The following CDH13 variants were observed in gnomAD, a reference collection of about 807,000 sequenced individuals.
CDH13 encodes the protein cadherin 13, also known as cadherin-13.
A neutral mutation model predicts 63.8 loss-of-function variants in CDH13; 24 were observed. That is an observed-to-expected ratio of 0.38 (90% CI 0.27 to 0.53). CDH13 has a LOEUF of 0.53. Ranked by LOEUF, CDH13 falls within the 20% of genes least tolerant of loss-of-function variation. The pLI is 0.85. For synonymous variants in CDH13, 503 were observed against 355.3 expected, an observed-to-expected ratio of 1.42 and a Z score of -4.67; for missense variants, 1,049 against 903.1, an observed-to-expected ratio of 1.16 and a Z score of -2.07.
chr16:83,010,777 TC>T (rs1914072292), intron 2 of CDH13, among the ~76,000 whole-genome samples: 1 of 152,312 alleles, frequency 6.6e-6, no homozygotes, highest in Middle Eastern at 3.4e-3. Flanking sequence ...ATTAGAAACA[TC>T]CTGCGGGGAC....
intron 2 of CDH13, among the ~76,000 whole-genome samples, chr16:82,878,687 TG>T (rs1327029036): frequency 1.3e-5 from 2 of 150,864 alleles, no homozygotes; most frequent in African/African-American, 4.9e-5. Context: ...TGGCGGGGGT[TG>T]GGGAGACACA....
chr16:83,079,771 T>C (rs1184234324), intron 3 of CDH13, among the ~76,000 whole-genome samples: 1 of 152,254 alleles, frequency 6.6e-6, no homozygotes, highest in East Asian at 1.9e-4. Context: ...AAGTTGTTTT[T>C]GAGAACATGA....
chr16:83,486,012 A>G (rs1029587717), intron 6 of CDH13, among the ~76,000 whole-genome samples: 2 of 152,142 alleles, frequency 1.3e-5, no homozygotes, highest in Non-Finnish European at 2.9e-5. Context: ...GCGTGATGAC[A>G]CACAACTGTA....
At chr16:83,433,105 G>C (rs2072176567) in intron 6 of CDH13, among the ~76,000 whole-genome samples, 1 of 152,272 alleles carries the variant, frequency 6.6e-6, no homozygotes, top group Non-Finnish European at 1.5e-5. Context: ...GCCATCAGCA[G>C]GTGTTTACTG....
chr16:83,564,502 GGGTTCAA>G (rs1298690435), intron 7 of CDH13, among the ~76,000 whole-genome samples: 2 of 150,748 alleles, frequency 1.3e-5, no homozygotes, highest in Non-Finnish European at 2.9e-5. Context: ...TCTGCCTCCC[GGGTTCAA>G]GTGATTCTCC....
chr16:83,318,127 A>T (rs1441409381), intron 5 of CDH13, among the ~76,000 whole-genome samples: 1 of 152,218 alleles, frequency 6.6e-6, no homozygotes, highest in Non-Finnish European at 1.5e-5. Flanking sequence ...CAGTATTTGT[A>T]ACACAGTGTC....
At chr16:83,112,248 TAGCAAACC>T (rs2035091429) in intron 3 of CDH13, among the ~76,000 whole-genome samples, 1 of 152,234 alleles carries the variant, frequency 6.6e-6, no homozygotes, top group Non-Finnish European at 1.5e-5. Flanking sequence ...CTAATTACTC[TAGCAAACC>T]AGCAGTTAAC....
chr16:83,429,464 A>C (rs1175853515), intron 6 of CDH13, among the ~76,000 whole-genome samples: 1 of 152,024 alleles, frequency 6.6e-6, no homozygotes, highest in East Asian at 1.9e-4. Flanking sequence ...ACTTCCTGTG[A>C]TTATATTTGT....
chr16:83,216,008 A>G (rs1480152054), intron 4 of CDH13, among the ~76,000 whole-genome samples: 2 of 146,024 alleles, frequency 1.4e-5, no homozygotes, highest in Admixed American at 6.8e-5. Context: ...TTTGACCCCA[A>G]CTGCTTCTCA....
In CDH13 at chr16:83,559,328, T is replaced by C. The variant is rs1295444194; in HGVS notation, c.961-43126T>C. Among the ~76,000 whole-genome samples, 3 of 152,112 alleles carry C rather than the reference T, an allele frequency of 2.0e-5. No homozygotes were observed. The East Asian group carries it at 5.8e-4, about 29-fold the overall frequency. On this transcript the variant is annotated intron_variant, in intron 7 of 13. Transcript: ENST00000567109. ...GGTTCACACCTGTAATCCCAACACT[T>C]TGGGAGGCCGAGGCAGGTGGATCAC...
chr16:82,687,659 C>T (rs1236069817), intron 1 of CDH13, among the ~76,000 whole-genome samples: 1 of 152,100 alleles, frequency 6.6e-6, no homozygotes, highest in Non-Finnish European at 1.5e-5. Context: ...CCACCCACTT[C>T]CTCCCATGAC....
chr16:83,495,219 G>T (rs903627430), intron 7 of CDH13, among the ~76,000 whole-genome samples: 4 of 152,180 alleles, frequency 2.6e-5, no homozygotes, highest in African/African-American at 4.8e-5. Flanking sequence ...ATTTTAGGGG[G>T]ACATAAGCCA....
At chr16:82,786,132 T>G (rs1214078244) in intron 1 of CDH13, among the ~76,000 whole-genome samples, 1 of 152,166 alleles carries the variant, frequency 6.6e-6, no homozygotes, top group African/African-American at 2.4e-5. Flanking sequence ...GAGCAGGTGA[T>G]CAGAATGAGT....
intron 1 of CDH13, among the ~76,000 whole-genome samples, chr16:82,628,585 T>C (rs182996862): frequency 3.3e-5 from 5 of 152,280 alleles, no homozygotes; most frequent in Admixed American, 3.3e-4. Flanking sequence ...CTGACTTCTT[T>C]CTTGGATATA....
chr16:82,711,853 G>C (rs1303476262), intron 1 of CDH13, among the ~76,000 whole-genome samples: 1 of 152,142 alleles, frequency 6.6e-6, no homozygotes, highest in African/African-American at 2.4e-5. Context: ...TCTTCACAAC[G>C]GTGCTCTGAG....
chr16:82,983,494 A>G (rs1910549862), intron 2 of CDH13, among the ~76,000 whole-genome samples: 1 of 152,226 alleles, frequency 6.6e-6, no homozygotes, highest in African/African-American at 2.4e-5. Flanking sequence ...CCTGGATTCC[A>G]GGAAGACAGA....
chr16:82,669,648 A>G (rs1404373411), intron 1 of CDH13, among the ~76,000 whole-genome samples: 1 of 152,260 alleles, frequency 6.6e-6, no homozygotes, highest in Non-Finnish European at 1.5e-5. Flanking sequence ...AGCCATCCCA[A>G]TTAAGATGCT....
chr16:83,406,703 T>A (rs1002630113), intron 6 of CDH13, among the ~76,000 whole-genome samples: 1 of 152,124 alleles, frequency 6.6e-6, no homozygotes, highest in Non-Finnish European at 1.5e-5. Context: ...TGACCTCAGG[T>A]GATCCACCCG....
intron 5 of CDH13, among the ~76,000 whole-genome samples, chr16:83,332,114 T>G (rs1440138191): frequency 6.6e-6 from 1 of 152,150 alleles, no homozygotes; most frequent in Non-Finnish European, 1.5e-5. Flanking sequence ...TGTAACAATT[T>G]TATAAATTGT....
Sources: allele counts gnomAD v4.1 joint callset (sites outside exome capture counted in the v4.1 genomes callset), GRCh38; gene constraint gnomAD v4.1.1; transcripts MANE v1.5; gene names NCBI Gene and HGNC (gene_info 2026-07-23, HGNC 2026-07-21).